The following DCDC2C variants were observed in gnomAD, a reference collection of about 807,000 sequenced individuals.
DCDC2C encodes doublecortin domain-containing protein 2C.
Under a neutral mutation model 45.0 loss-of-function variants are expected in DCDC2C, and 44 were observed. That is an observed-to-expected ratio of 0.98 (90% CI 0.77 to 1.26). The LOEUF (loss-of-function observed/expected upper bound fraction) is 1.26. DCDC2C is among the 50% of genes most tolerant of loss of function. DCDC2C has a pLI of 0.00. For missense variants in DCDC2C, 447 were observed against 468.9 expected (o/e 0.95, Z 0.43); for synonymous variants, 187 against 178.8 (o/e 1.05, Z -0.37).
intron 9 of DCDC2C, among the ~76,000 whole-genome samples, chr2:3,781,367 G>C (rs775650334): frequency 1.3e-5 from 2 of 152,144 alleles, no homozygotes; most frequent in African/African-American, 4.8e-5. Flanking sequence ...TATGATTGCC[G>C]GCTTGACCTC....
intron 10 of DCDC2C, among the ~76,000 whole-genome samples, chr2:3,819,305 G>A (rs958286778): frequency 2.6e-5 from 4 of 152,252 alleles, no homozygotes; most frequent in Non-Finnish European, 5.9e-5. Flanking sequence ...CGTGGCTTAG[G>A]AGGAATCCCG....
At chr2:3,767,008 C>T (rs763062857) in intron 6 of DCDC2C, among the ~76,000 whole-genome samples, 4 of 152,198 alleles carry the variant, frequency 2.6e-5, no homozygotes, top group Non-Finnish European at 4.4e-5. Flanking sequence ...CTGCAGTGGA[C>T]GGCGATGCCA....
chr2:3,723,090 G>A (rs549689164), intron 2 of DCDC2C, among the ~76,000 whole-genome samples: 13 of 152,254 alleles, frequency 8.5e-5, no homozygotes, highest in African/African-American at 2.9e-4. Flanking sequence ...CCTTTTCAGA[G>A]CATCAGAGCT....
intron 3 of DCDC2C, 109 bp from the exon 4 acceptor site, chr2:3,741,811 A>T: frequency 8.5e-7 from 1 of 1,171,204 alleles, no homozygotes; most frequent in Non-Finnish European, 1.2e-6. Flanking sequence ...GAGGCTGCTT[A>T]GTGCATCTCA....
intron 10 of DCDC2C, among the ~76,000 whole-genome samples, chr2:3,840,900 A>G (rs1186908297): frequency 6.6e-6 from 1 of 152,172 alleles, no homozygotes; most frequent in Admixed American, 6.5e-5. Context: ...TCCCACTGAC[A>G]GGCAGCCTTC....
chr2:3,781,928 GTTATTTTTGTGGTAGAATACAAA>G (rs1234736431), intron 9 of DCDC2C, among the ~76,000 whole-genome samples: 6 of 152,146 alleles, frequency 3.9e-5, no homozygotes, highest in Non-Finnish European at 7.4e-5. Flanking sequence ...GATCACAAAC[GTTATTTTTGTGGTAGAATACAAA>G]TTATTTTTGT....
intron 6 of DCDC2C, among the ~76,000 whole-genome samples, chr2:3,766,769 A>G (rs545177789): frequency 7.9e-5 from 12 of 152,338 alleles, no homozygotes; most frequent in African/African-American, 2.9e-4. Context: ...AATACTTGAG[A>G]AAAGATCAAA....
rs1482702392 is a variant in DCDC2C, at chr2:3,704,199, C to T, written c.287+161C>T. 5 of 645,042 alleles carry T rather than the reference C, an allele frequency of 7.8e-6. No individual in the cohort carries two copies. The Admixed American group carries it at 2.2e-4, about 28-fold the overall frequency. 40.0% of individuals were successfully genotyped at this position (645,042 alleles called of 1,614,324 possible). A position where few individuals can be genotyped will look rare whatever the true frequency, so the allele number is the denominator to read the frequency against. On this transcript the variant is annotated intron_variant, in intron 1 of 10. Coordinates refer to ENST00000399143, the MANE Select transcript of DCDC2C (RefSeq NM_001287444.2). The stretch of plus-strand genomic sequence containing the variant: ...TCCAGCGCAGCCGGCGTCGGGCCGC[C>T]CCAGGCCACGTGGTTTCCTGGGGGC...
chr2:3,809,207 G>A (rs903866705), intron 10 of DCDC2C, among the ~76,000 whole-genome samples: 2 of 152,038 alleles, frequency 1.3e-5, no homozygotes, highest in Non-Finnish European at 2.9e-5. Context: ...ACATTGTTTT[G>A]AGCTATTTCA....
chr2:3,792,516 G>T (rs1670841897), intron 10 of DCDC2C, among the ~76,000 whole-genome samples: 1 of 152,020 alleles, frequency 6.6e-6, no homozygotes, highest in Non-Finnish European at 1.5e-5. Flanking sequence ...TAAGATATAT[G>T]AATTATTTCA....
intron 3 of DCDC2C, among the ~76,000 whole-genome samples, chr2:3,738,026 A>G (rs1366063232): frequency 2.0e-5 from 3 of 152,194 alleles, no homozygotes; most frequent in Admixed American, 2.0e-4. Context: ...GTAAATATAT[A>G]TTTTTAAGAG....
chr2:3,767,658 G>T (rs1027691212), intron 6 of DCDC2C, 96 bp from the exon 7 acceptor site: 2 of 1,392,404 alleles, frequency 1.4e-6, no homozygotes, highest in Middle Eastern at 1.8e-4. Context: ...TTTCTCTGAG[G>T]AACTTGTGTC....
chr2:3,755,880 G>A (rs1669700072), intron 6 of DCDC2C, among the ~76,000 whole-genome samples: 1 of 152,126 alleles, frequency 6.6e-6, no homozygotes, highest in Non-Finnish European at 1.5e-5. Flanking sequence ...ATGTGTGCAT[G>A]TGTGCATATG....
chr2:3,842,155 A>T (rs1207906053), intron 10 of DCDC2C, among the ~76,000 whole-genome samples: 2 of 152,146 alleles, frequency 1.3e-5, no homozygotes, highest in African/African-American at 4.8e-5. Flanking sequence ...CGGAATGTGG[A>T]GGGAATCCAT....
At chr2:3,814,329 T>C (rs1671501263) in intron 10 of DCDC2C, among the ~76,000 whole-genome samples, 1 of 152,210 alleles carries the variant, frequency 6.6e-6, no homozygotes, top group Admixed American at 6.5e-5. Flanking sequence ...TTGATACTTG[T>C]GTATGCTTCA....
chr2:3,772,540 G>C (rs567679549), intron 8 of DCDC2C, among the ~76,000 whole-genome samples: 1 of 152,286 alleles, frequency 6.6e-6, no homozygotes, highest in African/African-American at 2.4e-5. Flanking sequence ...AATGGAGCAC[G>C]GCCTCACTGA....
intron 8 of DCDC2C, 83 bp from the exon 9 acceptor site, chr2:3,778,733 T>C: frequency 7.8e-7 from 1 of 1,285,480 alleles, no homozygotes; most frequent in Middle Eastern, 1.8e-4. Context: ...GTCTAGAAGG[T>C]CGCACTATTT....
At position 3,708,584 on chromosome 2, in the gene DCDC2C, T is replaced by C; in HGVS notation, c.323T>C (p.Ile108Thr). 1 of 1,549,114 alleles carries C rather than the reference T, an allele frequency of 6.5e-7. No individual in the cohort carries two copies. The highest frequency in any genetic ancestry group is 8.7e-7 in the Non-Finnish European group (1 of 1,146,332). Residue 108 changes from isoleucine (I) to threonine (T), a missense_variant, in exon 2 of 11, where the codon ATA becomes ACA. Coordinates refer to ENST00000399143, the MANE Select transcript of DCDC2C (RefSeq NM_001287444.2). The part of the protein sequence containing the change: ...IHIVPRKPAK[I>T]RKLKEIKPVV... Reference sequence around the variant, plus strand: ...ATAGTTCCCCGAAAACCTGCAAAGATAAGGAAGTTGAAGGAAGTAAGTGTT... The same window carrying C: ...ATAGTTCCCCGAAAACCTGCAAAGACAAGGAAGTTGAAGGAAGTAAGTGTT...
chr2:3,708,433 A>T (rs949876898), intron 1 of DCDC2C, 116 bp from the exon 2 acceptor site: 1 of 708,528 alleles, frequency 1.4e-6, no homozygotes, highest in African/African-American at 1.8e-5. Context: ...TCCTAGTTCC[A>T]AATTGCTGTG....
Sources: allele counts gnomAD v4.1 joint callset (sites outside exome capture counted in the v4.1 genomes callset), GRCh38; gene constraint gnomAD v4.1.1; transcripts MANE v1.5; gene names NCBI Gene and HGNC (gene_info 2026-07-23, HGNC 2026-07-21).